The following SARS2 variants were observed in gnomAD, a reference collection of about 807,000 sequenced individuals.
SARS2 encodes the protein serine--tRNA ligase, mitochondrial.
Under a neutral mutation model 66.8 loss-of-function variants are expected in SARS2, and 52 were observed. The ratio of observed to expected loss-of-function variants is 0.78; its 90% CI spans 0.62 to 0.98. The LOEUF (loss-of-function observed/expected upper bound fraction) is 0.98, where lower values mean the gene tolerates loss of function less well. Among genes scored for constraint, SARS2 ranks in the 50% least tolerant of loss-of-function variants. The pLI is 0.00. For synonymous variants in SARS2, 306 were observed against 281.4 expected (o/e 1.09, Z -0.87); for missense variants, 673 against 706.3 (o/e 0.95, Z 0.53).
At chr19:38,919,724 C>A (rs748209098) in intron 7 of SARS2, 38 bp downstream of exon 7, 1 of 1,547,652 alleles carries the variant, frequency 6.5e-7, no homozygotes, top group Non-Finnish European at 8.9e-7. Flanking sequence ...AGCTTCGATG[C>A]CACCCCCTCC....
intron 12 of SARS2, among the ~76,000 whole-genome samples, chr19:38,917,441 G>A (rs1018195594): frequency 6.6e-6 from 1 of 152,218 alleles, no homozygotes; most frequent in African/African-American, 2.4e-5. Flanking sequence ...GCACAGATGA[G>A]GCAGTGGCCC....
rs188137900 is a variant in SARS2, at chr19:38,923,755, C to T, written c.364-1488G>A. ...CAGCACTTTGGAAGGCTGAGGCGGG[C>T]GGATCACGAGGTCAGGAGATCGAGA... On this transcript the variant is annotated intron_variant, in intron 2 of 15. Coordinates refer to ENST00000221431, the MANE Select transcript of SARS2 (RefSeq NM_017827.4). 9.3e-3 allele frequency among the ~76,000 whole-genome samples: 1,399 copies of T among 151,212 alleles called. 18 individuals are homozygous for T. The highest frequency in any genetic ancestry group is 0.059 in the Middle Eastern group (17 of 290).
Position 38,917,750 on chromosome 19 carries a change from G to T in SARS2, c.1134C>A (p.Ile378=). 1 of 1,495,108 alleles carries T rather than the reference G, an allele frequency of 6.7e-7. No individual in the cohort carries two copies. The allele number at this position is 1,495,108 out of a possible 1,614,324, so 92.6% of individuals were successfully genotyped here. Reference sequence around the variant, plus strand: ...GGAAGTGCAAGCCCAGCTCTGTCAAGATCTCCATCTGAAGGGACAGGAACT... The same window carrying T: ...GGAAGTGCAAGCCCAGCTCTGTCAATATCTCCATCTGAAGGGACAGGAACT... ...LEEFLSLQME[I]LTELGLHFRV... is the part of the protein sequence containing the mutation. Residue 378 remains isoleucine, a synonymous_variant, in exon 12 of 16, where the codon ATC becomes ATA. Transcript: ENST00000221431.
rs1244897170 is a variant in SARS2 at position 38,920,126 on chromosome 19, G to A, written c.613C>T (p.His205Tyr). The A allele has an allele frequency of 2.6e-6, 4 of 1,562,186 alleles. No individual in the cohort carries two copies. The South Asian group carries it at 4.7e-5, about 18-fold the overall frequency. Residue 205 changes from histidine to tyrosine, a missense_variant, in exon 6 of 16, where the codon CAC becomes TAC. Transcript: ENST00000221431. Reference sequence around the variant, plus strand: ...TCGAGTTTCTCGCCAATTTCCAGGTGGCCCCGAGGTTGGAAGGAGAAAACT... The same window carrying A: ...TCGAGTTTCTCGCCAATTTCCAGGTAGCCCCGAGGTTGGAAGGAGAAAACT... ...KPVFSFQPRG[H>Y]LEIGEKLDII...
Position 38,915,668 on chromosome 19 carries a change from G to A in SARS2, c.1495C>T (p.Gln499Ter). 1.2e-6 allele frequency: 2 copies of A among 1,613,372 alleles called. No homozygotes were observed. Among genetic ancestry groups the A allele is most frequent in the Non-Finnish European group, 1.7e-6 (2 of 1,179,724 alleles). Reference sequence around the variant, plus strand: ...CGGGGCTGGTTGGGGCCGATGTACTGGAGAGGCACGTGGGTAGGGGCTGTG... The same window carrying A: ...CGGGGCTGGTTGGGGCCGATGTACTAGAGAGGCACGTGGGTAGGGGCTGTG... ...RITAPTHVPL[Q>*]YIGPNQPRKP... The change falls in exon 16 of 16, where the codon CAG becomes TAG. Residue 499 changes from glutamine to a stop codon, truncating the protein, a stop_gained. Transcript: ENST00000221431. LOFTEE classifies it high-confidence loss of function.
At chr19:38,916,805 GGTGT>G (rs1226231242) in intron 12 of SARS2, among the ~76,000 whole-genome samples, 1 of 151,934 alleles carries the variant, frequency 6.6e-6, no homozygotes, top group African/African-American at 2.4e-5. Context: ...TGGGATTACA[GGTGT>G]GTGCCACCAT....
intron 12 of SARS2, among the ~76,000 whole-genome samples, 183 bp downstream of exon 12, chr19:38,917,541 G>A (rs529481963): frequency 7.0e-4 from 106 of 152,358 alleles, no homozygotes; most frequent in African/African-American, 2.5e-3. Context: ...AGTCCTGTGA[G>A]GGACGACCGG....
chr19:38,916,171 G>A (rs763127816), intron 13 of SARS2, 42 bp from the exon 14 acceptor site: 2 of 1,613,056 alleles, frequency 1.2e-6, no homozygotes, highest in East Asian at 2.2e-5. Flanking sequence ...CAGGGATGGG[G>A]GGCAGGCCTG....
In SARS2 at chr19:38,915,408, T is replaced by C; in HGVS notation, c.*198A>G. ...TCCTGCTTCCCACTGGGACCCTCAA[T>C]GATAACAGGGTCAGTGACTGACTCT... On this transcript the variant is annotated 3_prime_UTR_variant, in exon 16 of 16. Transcript: ENST00000221431. 1 of 612,192 alleles carries C rather than the reference T, an allele frequency of 1.6e-6. No individual in the cohort carries two copies. Among genetic ancestry groups the C allele is most frequent in the Non-Finnish European group, 2.9e-6 (1 of 347,344 alleles). The allele number at this position is 612,192 out of a possible 1,614,324, so 37.9% of individuals were successfully genotyped here.
chr19:38,918,942 C>T (rs945215756), intron 7 of SARS2, 129 bp from the exon 8 acceptor site: 3 of 882,022 alleles, frequency 3.4e-6, no homozygotes, highest in Non-Finnish European at 5.4e-6. Context: ...GGCGCAGTGG[C>T]TCACCCATGT....
rs775798501 is a variant in SARS2, at chr19:38,930,488, C to A, written c.249G>T (p.Ser83=). 1 of 1,600,686 alleles carries A rather than the reference C, an allele frequency of 6.2e-7. No homozygotes were observed. The highest frequency in any genetic ancestry group is 8.5e-7 in the Non-Finnish European group (1 of 1,171,644). Residue 83 remains serine (S), a synonymous_variant, in exon 1 of 16, where the codon TCG becomes TCT. Coordinates refer to ENST00000221431, the MANE Select transcript of SARS2 (RefSeq NM_017827.4). ...CACTCACGATCGCGGGCAGGTCCGC[C>A]GAGCGCAGCTCCCCCTTGCGGAGCT... ...ALELRKGELR[S]ADLPAIISTW... is the part of the protein sequence containing the mutation.
chr19:38,927,552 T>G (rs1974649249), intron 1 of SARS2, among the ~76,000 whole-genome samples: 1 of 151,360 alleles, frequency 6.6e-6, no homozygotes, highest in Non-Finnish European at 1.5e-5. Context: ...CACTCCAGCG[T>G]GGGTGACAGA....
At chr19:38,930,322 A>C (rs1974711619) in intron 1 of SARS2, 148 bp downstream of exon 1, 1 of 1,015,206 alleles carries the variant, frequency 9.9e-7, no homozygotes, top group Non-Finnish European at 1.4e-6. Context: ...CTGGCACATA[A>C]GTGGGTGCCA....
chr19:38,921,470 C>A (rs371744458), intron 4 of SARS2, 24 bp from the exon 5 acceptor site: 7 of 1,614,142 alleles, frequency 4.3e-6, no homozygotes, highest in Non-Finnish European at 5.1e-6. Flanking sequence ...GCAGGAGTCA[C>A]GGAAAGGTGG....
intron 2 of SARS2, among the ~76,000 whole-genome samples, chr19:38,924,060 A>G (rs1974588069): frequency 6.6e-6 from 1 of 151,112 alleles, no homozygotes; most frequent in African/African-American, 2.4e-5. Context: ...TGAACCTGGG[A>G]GGTGGAGGTT....
intron 1 of SARS2, among the ~76,000 whole-genome samples, chr19:38,929,264 GA>G (rs1974685181): frequency 5.9e-5 from 9 of 151,462 alleles, no homozygotes; most frequent in Admixed American, 5.9e-4. Flanking sequence ...GGGTACTTAA[GA>G]TTGTGGAGTC....
intron 1 of SARS2, among the ~76,000 whole-genome samples, chr19:38,929,012 T>C (rs1276145871): frequency 6.6e-6 from 1 of 151,830 alleles, no homozygotes; most frequent in Non-Finnish European, 1.5e-5. Context: ...AGGTCAAGAG[T>C]TCGAGACCAG....
chr19:38,923,834 C>T (rs995511550), intron 2 of SARS2, among the ~76,000 whole-genome samples: 1 of 151,946 alleles, frequency 6.6e-6, no homozygotes, highest in Non-Finnish European at 1.5e-5. Context: ...ATTAGCTGGG[C>T]GCGGTGGCGG....
At chr19:38,920,896 CACAA>C (rs1199408099) in intron 5 of SARS2, among the ~76,000 whole-genome samples, 36 of 151,652 alleles carry the variant, frequency 2.4e-4, no homozygotes, top group African/African-American at 6.3e-4. Flanking sequence ...CACACACACA[CACAA>C]ACACAGATAT....
Sources: gnomAD v4.1 joint callset for allele counts (sites outside exome capture counted in the v4.1 genomes callset) on GRCh38, gnomAD v4.1.1 for gene constraint, MANE v1.5 for transcripts, NCBI Gene and HGNC (gene_info 2026-07-23, HGNC 2026-07-21) for gene names.